Variants in IQCM observed in about 807,000 individuals in gnomAD.
IQCM encodes the protein IQ motif containing M, also known as IQ domain-containing protein M.
IQCM carries 45 observed loss-of-function variants against 57.6 expected under a neutral mutation model. The observed-to-expected ratio is 0.78, with a 90% CI of 0.62 to 1.00. The LOEUF is 1.00. Ranked by LOEUF, IQCM falls within the 50% of genes least tolerant of loss-of-function variation. IQCM has a pLI of 0.00. For missense variants in IQCM, 468 were observed against 511.6 expected, an observed-to-expected ratio of 0.91 and a Z score of 0.82; for synonymous variants, 148 against 158.9, an observed-to-expected ratio of 0.93 and a Z score of 0.51.
intron 7 of IQCM, among the ~76,000 whole-genome samples, chr4:149,658,604 T>C (rs1207582556): frequency 6.6e-6 from 1 of 152,122 alleles, no homozygotes; most frequent in African/African-American, 2.4e-5. Context: ...ATTCTTCCAA[T>C]TCATGAACAT....
intron 5 of IQCM, among the ~76,000 whole-genome samples, chr4:149,713,732 G>T (rs1350449609): frequency 4.6e-5 from 7 of 150,660 alleles, no homozygotes; most frequent in Non-Finnish European, 8.9e-5. Flanking sequence ...ATTACTACAG[G>T]TGAAAATATT....
chr4:149,720,788 C>T (rs1765381057), intron 5 of IQCM, among the ~76,000 whole-genome samples: 1 of 144,508 alleles, frequency 6.9e-6, no homozygotes, highest in Non-Finnish European at 1.5e-5. Flanking sequence ...AAGAGATTAT[C>T]TCAAACTTAT....
intron 2 of IQCM, among the ~76,000 whole-genome samples, chr4:149,778,512 G>T (rs1771316744): frequency 6.9e-6 from 1 of 145,424 alleles, no homozygotes; most frequent in African/African-American, 2.4e-5. Flanking sequence ...AACAATTTGA[G>T]TTTTCACCTT....
intron 13 of IQCM, among the ~76,000 whole-genome samples, chr4:149,383,515 C>A (rs1731216523): frequency 6.6e-6 from 1 of 152,138 alleles, no homozygotes; most frequent in African/African-American, 2.4e-5. Context: ...ATGTCACAGA[C>A]TGAATAGCTG....
intron 12 of IQCM, among the ~76,000 whole-genome samples, chr4:149,536,053 A>G (rs534258457): frequency 6.6e-6 from 1 of 152,180 alleles, no homozygotes; most frequent in African/African-American, 2.4e-5. Context: ...CAAGGTGATG[A>G]TAAGACAAAT....
chr4:149,450,186 C>A (rs1020072725), intron 12 of IQCM, among the ~76,000 whole-genome samples: 1 of 151,804 alleles, frequency 6.6e-6, no homozygotes, highest in African/African-American at 2.4e-5. Flanking sequence ...ACCCCCATGT[C>A]TTGCTCTATA....
At chr4:149,753,012 G>A (rs1424548048) in intron 2 of IQCM, among the ~76,000 whole-genome samples, 1 of 152,148 alleles carries the variant, frequency 6.6e-6, no homozygotes, top group African/African-American at 2.4e-5. Flanking sequence ...TATAAGATCT[G>A]GTTCTGGACT....
intron 12 of IQCM, among the ~76,000 whole-genome samples, chr4:149,476,941 G>A (rs1740265990): frequency 1.3e-5 from 2 of 152,056 alleles, no homozygotes; most frequent in African/African-American, 4.8e-5. Flanking sequence ...ATATTAAACG[G>A]AAATCACATT....
chr4:149,510,862 G>A (rs1744333066), intron 12 of IQCM, among the ~76,000 whole-genome samples: 1 of 152,154 alleles, frequency 6.6e-6, no homozygotes, highest in South Asian at 2.1e-4. Context: ...CAACATCACT[G>A]ATGGTAGTAA....
intron 13 of IQCM, among the ~76,000 whole-genome samples, chr4:149,428,588 G>A (rs1403243367): frequency 6.6e-6 from 1 of 151,770 alleles, no homozygotes. Context: ...AAAGTCTTAT[G>A]TTACAAAGTA....
chr4:149,710,284 C>A (rs1273967213), intron 5 of IQCM, among the ~76,000 whole-genome samples: 1 of 152,048 alleles, frequency 6.6e-6, no homozygotes, highest in East Asian at 1.9e-4. Flanking sequence ...AAAAGCCAGG[C>A]AAAGAAATGC....
intron 2 of IQCM, among the ~76,000 whole-genome samples, chr4:149,751,398 TG>T (rs1451974705): frequency 6.6e-6 from 1 of 152,216 alleles, no homozygotes; most frequent in Non-Finnish European, 1.5e-5. Context: ...CAGATGGGAC[TG>T]GGTTCAAGCC....
intron 2 of IQCM, among the ~76,000 whole-genome samples, chr4:149,747,943 G>A (rs953174666): frequency 6.6e-6 from 1 of 152,188 alleles, no homozygotes; most frequent in Non-Finnish European, 1.5e-5. Flanking sequence ...TGTGATGAGA[G>A]CAAACTTGGA....
At chr4:149,483,650 G>GT (rs1207088311) in intron 12 of IQCM, among the ~76,000 whole-genome samples, 2 of 151,818 alleles carry the variant, frequency 1.3e-5, no homozygotes, top group Non-Finnish European at 2.9e-5. Context: ...TGTTATTTCA[G>GT]TTTTTTGGAA....
In IQCM at chr4:149,754,091, G is replaced by C. The variant is rs192096084; in HGVS notation, c.-48-11352C>G. 2.6e-5 allele frequency among the ~76,000 whole-genome samples: 4 copies of C among 152,192 alleles called. No homozygotes were observed. The East Asian group carries it at 7.7e-4, about 29-fold the overall frequency. On this transcript the variant is annotated intron_variant, in intron 2 of 13. Transcript: ENST00000636793. ...TTAAACTGCTTCTAGTGAACTCTGT[G>C]ACTACTAAGAGCCCCCTAAAGAACT...
chr4:149,752,741 C>A (rs904406499), intron 2 of IQCM, among the ~76,000 whole-genome samples: 7 of 152,084 alleles, frequency 4.6e-5, no homozygotes, highest in African/African-American at 1.7e-4. Context: ...GAGTTCAGCT[C>A]CAGTGTAGTA....
chr4:149,637,419 T>C (rs879745663), intron 7 of IQCM, among the ~76,000 whole-genome samples: 1 of 152,188 alleles, frequency 6.6e-6, no homozygotes, highest in African/African-American at 2.4e-5. Flanking sequence ...TGCTCATGGA[T>C]TGAAGACTTA....
intron 13 of IQCM, among the ~76,000 whole-genome samples, chr4:149,365,249 A>G (rs1729751508): frequency 6.6e-6 from 1 of 152,172 alleles, no homozygotes; most frequent in South Asian, 2.1e-4. Flanking sequence ...AGATGGGGAC[A>G]TGTCAAAGAG....
chr4:149,361,353 G>A (rs969883066), intron 13 of IQCM, among the ~76,000 whole-genome samples: 1 of 152,182 alleles, frequency 6.6e-6, no homozygotes, highest in Admixed American at 6.5e-5. Flanking sequence ...AAATTTGCAT[G>A]AGTAGCAAGG....
Sources: allele counts gnomAD v4.1 joint callset (sites outside exome capture counted in the v4.1 genomes callset), GRCh38; gene constraint gnomAD v4.1.1; transcripts MANE v1.5; gene names NCBI Gene and HGNC (gene_info 2026-07-23, HGNC 2026-07-21).